The following ILRUN variants were observed in gnomAD, a reference collection of about 807,000 sequenced individuals.
ILRUN encodes protein ILRUN.
ILRUN carries 3 observed loss-of-function variants against 33.8 expected under a neutral mutation model. The ratio of observed to expected loss-of-function variants is 0.09; its 90% CI spans 0.04 to 0.23. ILRUN has a LOEUF of 0.23. Among genes scored for constraint, ILRUN ranks in the 10% least tolerant of loss-of-function variants. The pLI is 1.00. For synonymous variants in ILRUN, 124 were observed against 138.9 expected (o/e 0.89, Z 0.75); for missense variants, 210 against 375.1 (o/e 0.56, Z 3.64).
chr6:34,601,842 G>A (rs1761516036), intron 4 of ILRUN, among the ~76,000 whole-genome samples: 1 of 151,556 alleles, frequency 6.6e-6, no homozygotes, highest in South Asian at 2.1e-4. Flanking sequence ...ACTCCTGCTA[G>A]CTCCAGATAC....
At chr6:34,682,622 C>T (rs1426090708) in intron 1 of ILRUN, among the ~76,000 whole-genome samples, 2 of 151,844 alleles carry the variant, frequency 1.3e-5, no homozygotes, top group Non-Finnish European at 2.9e-5. Context: ...TACAAGTGCA[C>T]GCCACCATGC....
intron 3 of ILRUN, among the ~76,000 whole-genome samples, chr6:34,630,235 A>G (rs149178970): frequency 6.6e-6 from 1 of 152,318 alleles, no homozygotes; most frequent in Non-Finnish European, 1.5e-5. Context: ...CTGAGAATGG[A>G]ATGCAATTTA....
At chr6:34,645,149 C>CT (rs907667434) in intron 3 of ILRUN, among the ~76,000 whole-genome samples, 11 of 152,288 alleles carry the variant, frequency 7.2e-5, no homozygotes, top group South Asian at 2.1e-4. Context: ...CTAGAAACAA[C>CT]TCCAAAGTTC....
chr6:34,658,495 T>TTTC (rs1554187297), intron 1 of ILRUN, among the ~76,000 whole-genome samples: 1 of 150,362 alleles, frequency 6.7e-6, no homozygotes, highest in East Asian at 1.9e-4. Flanking sequence ...TTTTTCTTTT[T>TTTC]TTTTTTTTTT....
chr6:34,630,880 A>C (rs1762231608), intron 3 of ILRUN, among the ~76,000 whole-genome samples: 1 of 152,304 alleles, frequency 6.6e-6, no homozygotes, highest in South Asian at 2.1e-4. Flanking sequence ...CATATCCACA[A>C]GCTCAGAGAT....
intron 1 of ILRUN, among the ~76,000 whole-genome samples, chr6:34,679,397 CTAAT>C (rs1390408387): frequency 6.6e-6 from 1 of 152,054 alleles, no homozygotes; most frequent in South Asian, 2.1e-4. Flanking sequence ...GCCCAGCAAT[CTAAT>C]TCTAGGAATA....
At chr6:34,639,482 A>G (rs1371699504) in intron 3 of ILRUN, among the ~76,000 whole-genome samples, 1 of 152,206 alleles carries the variant, frequency 6.6e-6, no homozygotes, top group Non-Finnish European at 1.5e-5. Flanking sequence ...ACTGGCATCC[A>G]GGCTAAAACA....
intron 3 of ILRUN, among the ~76,000 whole-genome samples, chr6:34,613,246 C>G (rs548515525): frequency 7.0e-6 from 1 of 142,466 alleles, no homozygotes; most frequent in Non-Finnish European, 1.5e-5. Flanking sequence ...ACAACAACAA[C>G]AAAAAACCAA....
chr6:34,675,231 A>G (rs1270821265), intron 1 of ILRUN, among the ~76,000 whole-genome samples: 1 of 152,170 alleles, frequency 6.6e-6, no homozygotes, highest in Non-Finnish European at 1.5e-5. Context: ...CAGTGAGCTG[A>G]GATGGCGCCA....
At chr6:34,610,757 G>A in intron 3 of ILRUN, among the ~76,000 whole-genome samples, 1 of 152,152 alleles carries the variant, frequency 6.6e-6, no homozygotes, top group Non-Finnish European at 1.5e-5. Context: ...AAATTCTTTT[G>A]TAAGTACATG....
Position 34,658,247 on chromosome 6 carries a change from G to A in ILRUN, c.159-3468C>T, listed in dbSNP as rs376362203. Reference sequence around the variant, plus strand: ...TGTAATGAGCTACTTGGGAGGATGAGATAGGCGAATTGCTTGAACCCAGGA... The same window carrying A: ...TGTAATGAGCTACTTGGGAGGATGAAATAGGCGAATTGCTTGAACCCAGGA... On this transcript the variant is annotated intron_variant, in intron 1 of 4. Coordinates refer to ENST00000374023, the MANE Select transcript of ILRUN (RefSeq NM_024294.4). Among the ~76,000 whole-genome samples, 17 of 151,744 alleles carry A rather than the reference G, an allele frequency of 1.1e-4. No homozygotes were observed. The East Asian group carries it at 3.3e-3, about 30-fold the overall frequency.
At chr6:34,671,110 T>C (rs1414128247) in intron 1 of ILRUN, among the ~76,000 whole-genome samples, 1 of 152,042 alleles carries the variant, frequency 6.6e-6, no homozygotes, top group Non-Finnish European at 1.5e-5. Context: ...GAAAAATTTA[T>C]GAATTAAAGT....
At position 34,590,448 on chromosome 6, in the gene ILRUN, G is replaced by C; in HGVS notation, c.*117C>G. 6.9e-7 allele frequency: 1 copy of C among 1,443,460 alleles called. No individual in the cohort carries two copies. The highest frequency in any genetic ancestry group is 9.5e-7 in the Non-Finnish European group (1 of 1,051,244). 89.4% of individuals were successfully genotyped at this position (1,443,460 alleles called of 1,614,324 possible). On this transcript the variant is annotated 3_prime_UTR_variant, in exon 5 of 5. Transcript: ENST00000374023. ...TCTTCCTCTTCTTCCGGGATGAGAG[G>C]GGGTCAGAGCCAGGGGTCTGTGCGA...
chr6:34,658,490 C>CT (rs71538252), intron 1 of ILRUN, among the ~76,000 whole-genome samples: 24,187 of 130,882 alleles, frequency 0.18, 2,869 homozygotes, highest in African/African-American at 0.34. Flanking sequence ...TTTTCTTTTT[C>CT]TTTTTTTTTT....
At chr6:34,633,221 T>G (rs1762283642) in intron 3 of ILRUN, among the ~76,000 whole-genome samples, 1 of 151,642 alleles carries the variant, frequency 6.6e-6, no homozygotes, top group Admixed American at 6.6e-5. Context: ...GTAATTCACC[T>G]AAAAGATAAT....
chr6:34,633,816 G>GA (rs939449877), intron 3 of ILRUN, among the ~76,000 whole-genome samples: 61 of 140,774 alleles, frequency 4.3e-4, no homozygotes, highest in African/African-American at 1.6e-3. Context: ...AAAGGAAAAA[G>GA]AAAAAAGAGA....
rs896570517 is a variant in ILRUN at position 34,616,480 on chromosome 6, C to T, written c.512-9576G>A. 15 of 705,260 alleles carry T rather than the reference C, an allele frequency of 2.1e-5. No homozygotes were observed. In the African/African-American group the frequency reaches 2.3e-4, roughly 11 times the overall value. 43.7% of individuals were successfully genotyped at this position (705,260 alleles called of 1,614,324 possible). ...AGAAAGGCTTGAAAGTGGACTGAAA[C>T]ATGCCCCAACAGTAGGCAGTGCAAA... On this transcript the variant is annotated intron_variant, in intron 3 of 4. Transcript: ENST00000374023.
chr6:34,591,884 C>T (rs1291127975), intron 4 of ILRUN, among the ~76,000 whole-genome samples: 3 of 152,188 alleles, frequency 2.0e-5, no homozygotes, highest in African/African-American at 7.2e-5. Flanking sequence ...CTTCTTCCCA[C>T]GCTAGCTCTC....
Position 34,631,642 on chromosome 6 carries a change from T to C in ILRUN, c.511+14959A>G, listed in dbSNP as rs74817652. 2.9e-4 allele frequency among the ~76,000 whole-genome samples: 44 copies of C among 152,292 alleles called. No homozygotes were observed. In the East Asian group the frequency reaches 7.7e-3, roughly 27 times the overall value. On this transcript the variant is annotated intron_variant, in intron 3 of 4. Coordinates refer to ENST00000374023, the MANE Select transcript of ILRUN (RefSeq NM_024294.4). ...CCATGCACAGCCTAATACATTTTATTATTTGCTCACTATTTATATATCTTG... is the reference window on the plus strand; with the variant it reads ...CCATGCACAGCCTAATACATTTTATCATTTGCTCACTATTTATATATCTTG...
Sources: allele counts gnomAD v4.1 joint callset (sites outside exome capture counted in the v4.1 genomes callset), GRCh38; gene constraint gnomAD v4.1.1; transcripts MANE v1.5; gene names NCBI Gene and HGNC (gene_info 2026-07-23, HGNC 2026-07-21).